PSKH2: variants seen among roughly 807,000 people sequenced by gnomAD.
PSKH2 encodes the protein protein serine kinase H2, also known as serine/threonine-protein kinase H2.
PSKH2 carries 16 observed loss-of-function variants against 22.5 expected under a neutral mutation model. The ratio of observed to expected loss-of-function variants is 0.71; its 90% CI spans 0.48 to 1.08. The LOEUF (loss-of-function observed/expected upper bound fraction) is 1.08, where lower values mean the gene tolerates loss of function less well. Ranked by LOEUF, PSKH2 falls within the 50% of genes least tolerant of loss-of-function variation. PSKH2 has a pLI of 0.00. For synonymous variants in PSKH2, 188 were observed against 184.8 expected (o/e 1.02, Z -0.14); for missense variants, 516 against 492.8 (o/e 1.05, Z -0.44).
rs148422779 is a variant in PSKH2 at position 86,064,342 on chromosome 8, C to A, written c.475G>T (p.Asp159Tyr). ...LIAQGSFTERDAVRILQMVAD... is the reference protein window; with the variant it reads ...LIAQGSFTERYAVRILQMVAD... The stretch of plus-strand genomic sequence containing the variant: ...ACCATCTGGAGGATCCTGACGGCAT[C>A]CCGCTCTGTAAAGGATCCCTGAGCA... The change falls in exon 2 of 3, where the codon GAT (aspartate) becomes TAT (tyrosine). Residue 159 changes from aspartate to tyrosine, a missense_variant. Physicochemically the swap from Asp to Tyr is radical, Grantham distance 160 (BLOSUM62 -3). Coordinates refer to ENST00000276616, the MANE Select transcript of PSKH2 (RefSeq NM_033126.3). The A allele has an allele frequency of 6.2e-7, 1 of 1,614,154 alleles. No homozygotes were observed. Among genetic ancestry groups the A allele is most frequent in the Non-Finnish European group, 8.5e-7 (1 of 1,180,032 alleles).
intron 2 of PSKH2, among the ~76,000 whole-genome samples, chr8:86,058,704 C>A (rs1287159949): frequency 6.6e-6 from 1 of 151,996 alleles, no homozygotes; most frequent in Non-Finnish European, 1.5e-5. Flanking sequence ...GAAAGAATGA[C>A]AGAAGTGGAA....
chr8:86,058,677 A>T (rs1356921661), intron 2 of PSKH2, among the ~76,000 whole-genome samples: 1 of 152,192 alleles, frequency 6.6e-6, no homozygotes, highest in African/African-American at 2.4e-5. Context: ...GTAATTCTAA[A>T]CAGTATTTGG....
intron 2 of PSKH2, among the ~76,000 whole-genome samples, chr8:86,050,674 C>G (rs1817617613): frequency 6.6e-6 from 1 of 152,158 alleles, no homozygotes; most frequent in Non-Finnish European, 1.5e-5. Flanking sequence ...GTTTAGTGTC[C>G]TTTGTCCTCT....
At chr8:86,066,198 T>A (rs1209134104) in intron 1 of PSKH2, among the ~76,000 whole-genome samples, 1 of 137,414 alleles carries the variant, frequency 7.3e-6, no homozygotes, top group Non-Finnish European at 1.6e-5. Context: ...AACGCAGGTC[T>A]CCTTTTTTTT....
In PSKH2 at chr8:86,053,841, A is replaced by G. The variant is rs146501279; in HGVS notation, c.853-5074T>C. Among the ~76,000 whole-genome samples the G allele has an allele frequency of 5.9e-3, 899 of 152,284 alleles. 8 individuals are homozygous for G. Among genetic ancestry groups the G allele is most frequent in the African/African-American group, 0.021 (874 of 41,562 alleles). ...AGGATCACTTGAGCCGAAGAGTTCA[A>G]GACCAGCCTGGGTAACATAGTGAGA... On this transcript the variant is annotated intron_variant, in intron 2 of 2. Transcript: ENST00000276616.
intron 2 of PSKH2, among the ~76,000 whole-genome samples, chr8:86,049,959 A>T (rs1563538898): frequency 6.6e-6 from 1 of 152,158 alleles, no homozygotes. Flanking sequence ...AGCTGAGAAC[A>T]AATAGATTCA....
rs149831384 is a variant in PSKH2, at chr8:86,057,962, G to A, written c.852+6003C>T. ...ATACTTGTCTCTCAGCCAAGACCAC[G>A]AGGCTCCTAAGAGCAGAGACACTGA... On this transcript the variant is annotated intron_variant, in intron 2 of 2. Coordinates refer to ENST00000276616, the MANE Select transcript of PSKH2 (RefSeq NM_033126.3). Among the ~76,000 whole-genome samples, 431 of 152,240 alleles carry A rather than the reference G, an allele frequency of 2.8e-3. 1 individual carries two copies. The highest frequency in any genetic ancestry group is 5.0e-3 in the Non-Finnish European group (343 of 68,006).
chr8:86,067,310 A>G (rs1294570485), intron 1 of PSKH2, among the ~76,000 whole-genome samples: 1 of 151,836 alleles, frequency 6.6e-6, no homozygotes, highest in Non-Finnish European at 1.5e-5. Flanking sequence ...CTCAACTGCC[A>G]TGAATGGTGA....
intron 2 of PSKH2, among the ~76,000 whole-genome samples, chr8:86,062,623 T>C (rs1455219226): frequency 3.4e-5 from 5 of 148,546 alleles, no homozygotes; most frequent in African/African-American, 1.2e-4. Context: ...CCTGTCACCG[T>C]GTGAGAAGGT....
Position 86,048,497 on chromosome 8 carries a change from T to A in PSKH2, c.1123A>T (p.Arg375Trp). The A allele has an allele frequency of 6.2e-7, 1 of 1,614,134 alleles. No homozygotes were observed. The highest frequency in any genetic ancestry group is 1.1e-5 in the South Asian group (1 of 91,086). ...GCAGACAGTGGCGATTCTACTATCC[T>A]TAAGTTTCTCTTGCTCCACATATGC... ...SRHMWSKRNL[R>W]IVESPLSALL The change falls in exon 3 of 3, where the codon AGG (arginine) becomes TGG (tryptophan). Residue 375 changes from arginine to tryptophan, a missense_variant. Arg to Trp is a moderately radical substitution (Grantham distance 101). Coordinates refer to ENST00000276616, the MANE Select transcript of PSKH2 (RefSeq NM_033126.3).
At chr8:86,050,166 C>T (rs550485204) in intron 2 of PSKH2, among the ~76,000 whole-genome samples, 112 of 152,312 alleles carry the variant, frequency 7.4e-4, no homozygotes, top group Non-Finnish European at 1.4e-3. Context: ...AATAAGAAGG[C>T]TGTTGCTTTA....
chr8:86,053,203 G>C (rs1348247744), intron 2 of PSKH2, among the ~76,000 whole-genome samples: 1 of 152,176 alleles, frequency 6.6e-6, no homozygotes, highest in Admixed American at 6.5e-5. Context: ...CTGCCCTGGT[G>C]AGGACCTTGC....
rs1817549294 is a variant in PSKH2 at position 86,047,874 on chromosome 8, T to C, written c.*588A>G. ...CACTATTTTATGATTCTTAAAAATC[T>C]CTATTTTTCCCGTGAATAATGCCCC... is the stretch of plus-strand genomic sequence containing the variant. On this transcript the variant is annotated 3_prime_UTR_variant, in exon 3 of 3. Transcript: ENST00000276616. Among the ~76,000 whole-genome samples, 1 of 152,156 alleles carries C rather than the reference T, an allele frequency of 6.6e-6. No homozygotes were observed. Among genetic ancestry groups the C allele is most frequent in the African/African-American group, 2.4e-5 (1 of 41,462 alleles).
chr8:86,065,344 T>C (rs372747723), intron 1 of PSKH2, among the ~76,000 whole-genome samples: 7 of 152,206 alleles, frequency 4.6e-5, no homozygotes, highest in African/African-American at 1.7e-4. Context: ...AGCTGTGCTA[T>C]TATAAGAGCC....
intron 1 of PSKH2, chr8:86,066,498 TG>T (rs1817861218): frequency 6.6e-6 from 1 of 152,144 alleles, no homozygotes; most frequent in Admixed American, 6.6e-5. Context: ...CCACTGTGCC[TG>T]GACTTCATTT....
intron 1 of PSKH2, 137 bp downstream of exon 1, chr8:86,069,301 G>C (rs1205341293): frequency 1.1e-5 from 8 of 705,144 alleles, no homozygotes; most frequent in Non-Finnish European, 1.4e-5. Context: ...GGCAGAGAAA[G>C]GGGGAGATCA....
intron 2 of PSKH2, among the ~76,000 whole-genome samples, chr8:86,061,767 C>G (rs770414439): frequency 6.6e-6 from 1 of 152,116 alleles, no homozygotes; most frequent in East Asian, 1.9e-4. Flanking sequence ...TTGAGTGGGG[C>G]CCTCGTGGAT....
rs192803111 is a variant in PSKH2, at chr8:86,068,889, G to C, written c.185+549C>G. ...CCTTCCCTTGTTTGCTGCTGCTCCT[G>C]CTCTCTTTTTTCCCATCCTCTGAAC... is the stretch of plus-strand genomic sequence containing the variant. On this transcript the variant is annotated intron_variant, in intron 1 of 2. Transcript: ENST00000276616. 4.6e-5 allele frequency among the ~76,000 whole-genome samples: 7 copies of C among 151,792 alleles called. No homozygotes were observed. The East Asian group carries it at 1.4e-3, about 30-fold the overall frequency.
chr8:86,069,353 G>T, intron 1 of PSKH2, 85 bp downstream of exon 1: 3 of 1,310,424 alleles, frequency 2.3e-6, no homozygotes, highest in African/African-American at 3.0e-5. Context: ...ATTGAGTCAA[G>T]CTGAAGGGAA....
Sources: allele counts gnomAD v4.1 joint callset (sites outside exome capture counted in the v4.1 genomes callset), GRCh38; gene constraint gnomAD v4.1.1; transcripts MANE v1.5; gene names NCBI Gene and HGNC (gene_info 2026-07-23, HGNC 2026-07-21).